Variants in PUS7 observed in about 807,000 individuals in gnomAD.
PUS7 encodes the protein pseudouridine synthase 7.
In PUS7, 48 loss-of-function variants were observed where a neutral mutation model predicts 79.8. The ratio of observed to expected loss-of-function variants is 0.60; its 90% CI spans 0.48 to 0.76. The LOEUF (loss-of-function observed/expected upper bound fraction) is 0.76. Ranked by LOEUF, PUS7 falls within the 30% of genes least tolerant of loss-of-function variation. The pLI, the probability that PUS7 is intolerant of heterozygous loss-of-function variation, is 0.00. For synonymous variants in PUS7, 286 were observed against 272.2 expected, an observed-to-expected ratio of 1.05 and a Z score of -0.50; for missense variants, 729 against 797.6, an observed-to-expected ratio of 0.91 and a Z score of 1.04.
intron 9 of PUS7, 96 bp downstream of exon 9, chr7:105,480,956 A>G: frequency 7.3e-7 from 1 of 1,378,572 alleles, no homozygotes. Flanking sequence ...TGCCCCAGAC[A>G]TGGGAGAACG....
At chr7:105,496,392 C>G (rs534957590) in intron 5 of PUS7, among the ~76,000 whole-genome samples, 10 of 151,932 alleles carry the variant, frequency 6.6e-5, no homozygotes, top group African/African-American at 2.4e-4. Context: ...CTGTGTGGCA[C>G]AGAGCTGCAG....
At chr7:105,477,305 T>C (rs186527218) in intron 9 of PUS7, among the ~76,000 whole-genome samples, 5 of 152,172 alleles carry the variant, frequency 3.3e-5, no homozygotes, top group Admixed American at 2.0e-4. Context: ...TGGAGTGCAG[T>C]GGTACAATCT....
chr7:105,496,226 TAGAG>T lies in PUS7; in HGVS notation c.731-977_731-974del, dbSNP rs1220535538. ...ATATATATATATATATATATATATATAGAGAGAGAGAGAGAGAGAGAGAGAGAGG... is the reference window on the plus strand; with the variant it reads ...ATATATATATATATATATATATATATAGAGAGAGAGAGAGAGAGAGAGAGG... On this transcript the variant is annotated intron_variant, in intron 5 of 15. Transcript: ENST00000469408. 9.6e-3 allele frequency among the ~76,000 whole-genome samples: 779 copies of T among 81,112 alleles called. 6 individuals are homozygous for T. The highest frequency in any genetic ancestry group is 0.026 in the Middle Eastern group (2 of 78). The allele number at this position is 81,112 out of a possible 152,430, so 53.2% of individuals were successfully genotyped here. A position where few individuals can be genotyped will look rare whatever the true frequency, so the allele number is the denominator to read the frequency against.
intron 1 of PUS7, among the ~76,000 whole-genome samples, chr7:105,511,284 C>T (rs901087518): frequency 3.9e-4 from 59 of 151,044 alleles, no homozygotes; most frequent in Admixed American, 7.9e-4. Flanking sequence ...TTGCCCGCCT[C>T]GGCCTCCCAA....
At chr7:105,497,027 T>TA in intron 5 of PUS7, 1 of 1,142,928 alleles carries the variant, frequency 8.7e-7, no homozygotes, top group South Asian at 1.8e-5. Flanking sequence ...TTTATAATAT[T>TA]AAAGTGCTTT....
chr7:105,501,989 T>C (rs1312492710), intron 5 of PUS7, among the ~76,000 whole-genome samples: 4 of 147,768 alleles, frequency 2.7e-5, no homozygotes, highest in Non-Finnish European at 6.0e-5. Flanking sequence ...TATATATATA[T>C]ATAGGGGCCT....
chr7:105,489,795 A>C (rs142578678), intron 7 of PUS7, among the ~76,000 whole-genome samples: 133 of 152,282 alleles, frequency 8.7e-4, no homozygotes, highest in African/African-American at 3.2e-3. Flanking sequence ...TACCACCATA[A>C]ATTCTTTATA....
chr7:105,504,678 T>C (rs1217394418), intron 4 of PUS7, among the ~76,000 whole-genome samples: 1 of 152,200 alleles, frequency 6.6e-6, no homozygotes, highest in Non-Finnish European at 1.5e-5. Context: ...CGAAAATACA[T>C]ATTATAAGCC....
At chr7:105,505,462 C>T (rs956362783) in intron 4 of PUS7, among the ~76,000 whole-genome samples, 1 of 152,212 alleles carries the variant, frequency 6.6e-6, no homozygotes, top group Non-Finnish European at 1.5e-5. Flanking sequence ...CAAGAAGCTG[C>T]TGAAGCCAGA....
At position 105,502,488 on chromosome 7, in the gene PUS7, T is replaced by A. The variant is rs1280318468; in HGVS notation, c.662A>T (p.Lys221Ile). ...IKSLFPGLET[K>I]TEDREGKKYI... ...TTTCTTCCCCTCCCTATCCTCTGTT[T>A]TTGTCTCTAATCCTGGAAACAGAGA... Residue 221 changes from lysine to isoleucine, a missense_variant, in exon 5 of 16, where the codon AAA (lysine) becomes ATA (isoleucine). Lys to Ile is a moderately radical substitution (Grantham distance 102). Coordinates refer to ENST00000469408, the MANE Select transcript of PUS7 (RefSeq NM_019042.5). 1 of 1,614,034 alleles carries A rather than the reference T, an allele frequency of 6.2e-7. No homozygotes were observed. The highest frequency in any genetic ancestry group is 8.5e-7 in the Non-Finnish European group (1 of 1,180,022).
rs1428487809 is a variant in PUS7 at position 105,475,529 on chromosome 7, A to C, written c.1176-3336T>G. Among the ~76,000 whole-genome samples the C allele has an allele frequency of 2.6e-5, 4 of 151,794 alleles. No homozygotes were observed. In the East Asian group the frequency reaches 7.8e-4, roughly 30 times the overall value. ...AGTAGAGATGGGGTTTCACTGTGTT[A>C]GCTAGGATGGTCTCGATCTCCTGAC... On this transcript the variant is annotated intron_variant, in intron 9 of 15. Coordinates refer to ENST00000469408, the MANE Select transcript of PUS7 (RefSeq NM_019042.5).
chr7:105,494,671 G>A (rs1824932403), intron 6 of PUS7, among the ~76,000 whole-genome samples: 1 of 151,902 alleles, frequency 6.6e-6, no homozygotes, highest in African/African-American at 2.4e-5. Flanking sequence ...GCCTCCCAAA[G>A]TGCTGGAATT....
intron 1 of PUS7, among the ~76,000 whole-genome samples, chr7:105,515,756 T>G (rs1196424401): frequency 6.7e-6 from 1 of 150,212 alleles, no homozygotes; most frequent in Non-Finnish European, 1.5e-5. Context: ...GCCTCCTGAG[T>G]AGCTGGGCCC....
intron 1 of PUS7, among the ~76,000 whole-genome samples, chr7:105,516,447 A>AT (rs113288004): frequency 0.14 from 20,294 of 146,422 alleles, 1,719 homozygotes; most frequent in South Asian, 0.26. Flanking sequence ...CTGAAATGGA[A>AT]TTTTTTTTTT....
chr7:105,502,381 C>T lies in PUS7; in HGVS notation c.730+39G>A, dbSNP rs542796616. 46 of 1,612,208 alleles carry T rather than the reference C, an allele frequency of 2.9e-5. No homozygotes were observed. The South Asian group carries it at 3.0e-4, about 10-fold the overall frequency. On this transcript the variant is annotated intron_variant, in intron 5 of 15. Coordinates refer to ENST00000469408, the MANE Select transcript of PUS7 (RefSeq NM_019042.5). ...AACGAGGAGCGGGGCCTGCCGCTCA[C>T]GGCTGCCTGGCAGGAGGAAGCTGCT...
chr7:105,478,492 T>G (rs537163658), intron 9 of PUS7, among the ~76,000 whole-genome samples: 40 of 152,380 alleles, frequency 2.6e-4, no homozygotes, highest in African/African-American at 9.6e-4. Context: ...CTGCCTTTTT[T>G]ATTTTAGCCA....
intron 5 of PUS7, among the ~76,000 whole-genome samples, chr7:105,497,939 G>C (rs569649824): frequency 6.6e-6 from 1 of 152,220 alleles, no homozygotes; most frequent in African/African-American, 2.4e-5. Context: ...TGTGATAAAA[G>C]TTGATGAAGT....
intron 9 of PUS7, among the ~76,000 whole-genome samples, chr7:105,477,338 C>T (rs917480386): frequency 6.6e-6 from 1 of 152,054 alleles, no homozygotes; most frequent in Non-Finnish European, 1.5e-5. Flanking sequence ...ACCTCTGCCT[C>T]CCGGGCTAAA....
At chr7:105,496,562 G>T (rs1018547918) in intron 5 of PUS7, among the ~76,000 whole-genome samples, 7 of 152,250 alleles carry the variant, frequency 4.6e-5, no homozygotes, top group African/African-American at 1.7e-4. Flanking sequence ...AGAGGCTTAA[G>T]ATACTGCTGG....
Sources: gnomAD v4.1 joint callset for allele counts (sites outside exome capture counted in the v4.1 genomes callset) on GRCh38, gnomAD v4.1.1 for gene constraint, MANE v1.5 for transcripts, NCBI Gene and HGNC (gene_info 2026-07-23, HGNC 2026-07-21) for gene names.